Variants in ZNF521 observed in about 807,000 individuals in gnomAD.
ZNF521 encodes LYST-interacting protein 3.
A neutral mutation model predicts 105.5 loss-of-function variants in ZNF521; 14 were observed. That is an observed-to-expected ratio of 0.13 (90% confidence interval 0.09 to 0.21). The LOEUF (loss-of-function observed/expected upper bound fraction) is 0.21, where lower values mean the gene tolerates loss of function less well. Ranked by LOEUF, ZNF521 falls within the 10% of genes least tolerant of loss-of-function variation. The pLI, the probability that ZNF521 is intolerant of heterozygous loss-of-function variation, is 1.00. For synonymous variants in ZNF521, 635 were observed against 606.0 expected, an observed-to-expected ratio of 1.05 and a Z score of -0.70; for missense variants, 1,233 against 1,629.7, an observed-to-expected ratio of 0.76 and a Z score of 4.19.
intron 3 of ZNF521, among the ~76,000 whole-genome samples, chr18:25,229,120 A>G (rs1906367615): frequency 6.6e-6 from 1 of 152,252 alleles, no homozygotes; most frequent in Admixed American, 6.5e-5. Context: ...AAGCTAAATG[A>G]TTAATATAAA....
At chr18:25,179,766 C>CTAAAA (rs1295347635) in intron 5 of ZNF521, among the ~76,000 whole-genome samples, 1 of 152,184 alleles carries the variant, frequency 6.6e-6, no homozygotes, top group Admixed American at 6.5e-5. Context: ...TGGAAACACG[C>CTAAAA]TAAACACAAG....
intron 3 of ZNF521, among the ~76,000 whole-genome samples, chr18:25,278,361 AG>A (rs1398703637): frequency 2.0e-5 from 3 of 152,218 alleles, no homozygotes; most frequent in Non-Finnish European, 4.4e-5. Context: ...AGGAGATTCA[AG>A]TAAAGTTAAC....
intron 3 of ZNF521, among the ~76,000 whole-genome samples, chr18:25,303,527 A>T (rs1911779803): frequency 6.6e-6 from 1 of 152,036 alleles, no homozygotes; most frequent in African/African-American, 2.4e-5. Context: ...CGAACTCCTG[A>T]TCTCATGATC....
chr18:25,065,137 C>T (rs1021484436), intron 7 of ZNF521, among the ~76,000 whole-genome samples: 1 of 152,078 alleles, frequency 6.6e-6, no homozygotes, highest in African/African-American at 2.4e-5. Context: ...CTTCTTATAC[C>T]TTTTGCTATC....
At chr18:25,298,414 C>G (rs1299538012) in intron 3 of ZNF521, among the ~76,000 whole-genome samples, 4 of 152,104 alleles carry the variant, frequency 2.6e-5, no homozygotes, top group Non-Finnish European at 5.9e-5. Context: ...CTCCTTAGGG[C>G]ATCTCTCTCT....
intron 3 of ZNF521, among the ~76,000 whole-genome samples, chr18:25,272,368 T>A (rs914129883): frequency 3.3e-5 from 5 of 152,148 alleles, no homozygotes; most frequent in African/African-American, 1.2e-4. Context: ...TCCTCAAGGA[T>A]CTAGAACTAG....
intron 5 of ZNF521, among the ~76,000 whole-genome samples, chr18:25,144,432 T>G (rs1396717935): frequency 6.6e-6 from 1 of 152,192 alleles, no homozygotes; most frequent in Admixed American, 6.6e-5. Context: ...AGCTGGGAGA[T>G]TTGATGAATC....
intron 5 of ZNF521, among the ~76,000 whole-genome samples, chr18:25,137,670 G>C (rs551293220): frequency 6.6e-6 from 1 of 152,226 alleles, no homozygotes; most frequent in African/African-American, 2.4e-5. Context: ...CAAGCAGACA[G>C]ACAGAGCACA....
chr18:25,239,893 G>T (rs1005309733), intron 3 of ZNF521, among the ~76,000 whole-genome samples: 1 of 151,722 alleles, frequency 6.6e-6, no homozygotes, highest in Admixed American at 6.6e-5. Context: ...GCTACCAGGG[G>T]GTATTTTGCA....
In ZNF521 at chr18:25,228,310, C is replaced by A. The variant is rs9947939; in HGVS notation, c.221-613G>T. Among the ~76,000 whole-genome samples, 274 of 152,280 alleles carry A rather than the reference C, an allele frequency of 1.8e-3. 1 individual carries two copies. The highest frequency in any genetic ancestry group is 6.4e-3 in the African/African-American group (266 of 41,570). On this transcript the variant is annotated intron_variant, in intron 3 of 7. Coordinates refer to ENST00000361524, the MANE Select transcript of ZNF521 (RefSeq NM_015461.3). ...AGCACATGAAAGAAGACAGAAAACA[C>A]AATAATAATTATGTCTTGTGTAATG...
At chr18:25,288,191 T>C (rs1266298292) in intron 3 of ZNF521, among the ~76,000 whole-genome samples, 1 of 152,162 alleles carries the variant, frequency 6.6e-6, no homozygotes, top group African/African-American at 2.4e-5. Flanking sequence ...GCATACATAT[T>C]TGGATTTTTC....
intron 5 of ZNF521, among the ~76,000 whole-genome samples, chr18:25,157,225 A>G (rs997147659): frequency 4.6e-5 from 7 of 151,966 alleles, no homozygotes; most frequent in Admixed American, 3.9e-4. Flanking sequence ...AAAAGCAAAT[A>G]ATCAATCTCA....
intron 5 of ZNF521, among the ~76,000 whole-genome samples, chr18:25,134,902 T>C (rs892810127): frequency 5.3e-5 from 8 of 152,068 alleles, no homozygotes; most frequent in Admixed American, 5.3e-4. Flanking sequence ...TGCTTAGTGC[T>C]ATTTGATCAA....
chr18:25,258,911 T>G (rs1908706775), intron 3 of ZNF521, among the ~76,000 whole-genome samples: 1 of 152,188 alleles, frequency 6.6e-6, no homozygotes. Flanking sequence ...ATAATAGCTA[T>G]CATCTATTGA....
chr18:25,218,479 T>C (rs1314981341), intron 4 of ZNF521, among the ~76,000 whole-genome samples: 2 of 92,796 alleles, frequency 2.2e-5, no homozygotes, highest in Non-Finnish European at 4.0e-5. Context: ...ACCTCGAGCC[T>C]ACTAAAAAAA....
At chr18:25,334,775 G>A (rs1446520428) in intron 2 of ZNF521, among the ~76,000 whole-genome samples, 1 of 152,154 alleles carries the variant, frequency 6.6e-6, no homozygotes, top group Non-Finnish European at 1.5e-5. Flanking sequence ...CTTTGCAAAC[G>A]AGGTAAACAT....
intron 5 of ZNF521, among the ~76,000 whole-genome samples, chr18:25,191,959 CTTG>C (rs765056582): frequency 6.6e-5 from 10 of 152,134 alleles, no homozygotes; most frequent in Non-Finnish European, 1.5e-4. Context: ...ACACTTGTAT[CTTG>C]TTGTATTCTC....
intron 7 of ZNF521, among the ~76,000 whole-genome samples, chr18:25,072,752 T>C (rs1208218462): frequency 3.3e-5 from 5 of 152,192 alleles, no homozygotes; most frequent in African/African-American, 7.2e-5. Flanking sequence ...AATTGCAGGA[T>C]TCCAGCGTAC....
chr18:25,316,847 CTTTTTTTTTTTT>C (rs200212987), intron 3 of ZNF521, among the ~76,000 whole-genome samples: 109 of 126,998 alleles, frequency 8.6e-4, no homozygotes, highest in Middle Eastern at 9.4e-3. Flanking sequence ...GCAAGTAAGA[CTTTTTTTTTTTT>C]TTTTTTTTTT....
Sources: allele counts gnomAD v4.1 joint callset (sites outside exome capture counted in the v4.1 genomes callset), GRCh38; gene constraint gnomAD v4.1.1; transcripts MANE v1.5; gene names NCBI Gene and HGNC (gene_info 2026-07-23, HGNC 2026-07-21).